Variants in TP63 observed in about 807,000 individuals in gnomAD.
The protein encoded by TP63 is tumor protein p63.
Under a neutral mutation model 82.8 loss-of-function variants are expected in TP63, and 17 were observed. That is an observed-to-expected ratio of 0.21 (90% confidence interval 0.14 to 0.31). The LOEUF (loss-of-function observed/expected upper bound fraction) is 0.31. Ranked by LOEUF, TP63 falls within the 10% of genes least tolerant of loss-of-function variation. The probability of loss-of-function intolerance (pLI) is 1.00; values close to 1 mark genes in which losing one functional copy is unlikely to be tolerated. For missense variants in TP63, 648 were observed against 895.3 expected (o/e 0.72, Z 3.52); for synonymous variants, 330 against 321.7 (o/e 1.03, Z -0.28).
chr3:189,659,163 C>T (rs1713655141), intron 1 of TP63, among the ~76,000 whole-genome samples: 1 of 151,726 alleles, frequency 6.6e-6, no homozygotes, highest in African/African-American at 2.4e-5. Context: ...TGATTGATTC[C>T]ATCACCCAGT....
chr3:189,729,496 C>A (rs1487771192), intron 1 of TP63, among the ~76,000 whole-genome samples: 1 of 151,974 alleles, frequency 6.6e-6, no homozygotes, highest in African/African-American at 2.4e-5. Context: ...TTGAAATATG[C>A]AAAATAGAGT....
chr3:189,723,469 A>G (rs1185209155), intron 1 of TP63, among the ~76,000 whole-genome samples: 1 of 152,236 alleles, frequency 6.6e-6, no homozygotes, highest in African/African-American at 2.4e-5. Flanking sequence ...GAAACAATCA[A>G]ATGATAGCTA....
At chr3:189,749,527 C>CA (rs140917915) in intron 3 of TP63, among the ~76,000 whole-genome samples, 2,048 of 151,878 alleles carry the variant, frequency 0.013, 52 homozygotes, top group African/African-American at 0.047. Context: ...TTTCAAATGA[C>CA]AAAAAATAAC....
chr3:189,839,061 AAAAG>A (rs1713593697), intron 4 of TP63, among the ~76,000 whole-genome samples: 2 of 150,676 alleles, frequency 1.3e-5, no homozygotes, highest in African/African-American at 4.9e-5. Context: ...AAAAAAAAAA[AAAAG>A]AAAAAGAAAA....
At chr3:189,623,341 T>A in the TP63 span, among the ~76,000 whole-genome samples, 1 of 152,214 alleles carries the variant, frequency 6.6e-6, no homozygotes, top group Non-Finnish European at 1.5e-5. Context: ...CTTCATTTTA[T>A]TATCTCCCAC....
chr3:189,721,472 C>CT (rs796875515), intron 1 of TP63, among the ~76,000 whole-genome samples: 76 of 143,714 alleles, frequency 5.3e-4, no homozygotes, highest in Middle Eastern at 3.6e-3. Flanking sequence ...CTATCAGGTG[C>CT]TTTTTTTTTT....
Position 189,886,512 on chromosome 3 carries a change from C to T in TP63, c.1468C>T (p.Leu490Phe), listed in dbSNP as rs559082753. The T allele has an allele frequency of 1.9e-6, 3 of 1,614,102 alleles. No homozygotes were observed. Among genetic ancestry groups the T allele is most frequent in the East Asian group, 4.5e-5 (2 of 44,842 alleles). ...QLINPQQRNA[L>F]TPTTIPDGMG... ...TATCAACCCTCAGCAGCGCAACGCC[C>T]TCACTCCTACAACCATTCCTGATGG... Residue 490 changes from leucine to phenylalanine, a missense_variant, in exon 11 of 14, where the codon CTC becomes TTC. Coordinates refer to ENST00000264731, the MANE Select transcript of TP63 (RefSeq NM_003722.5).
At chr3:189,638,794 G>A (rs1004309969) in intron 1 of TP63, among the ~76,000 whole-genome samples, 1 of 152,136 alleles carries the variant, frequency 6.6e-6, no homozygotes, top group Non-Finnish European at 1.5e-5. Flanking sequence ...GCCTCTCTCT[G>A]AGAAATTGGG....
intron 1 of TP63, among the ~76,000 whole-genome samples, chr3:189,682,026 A>T (rs529132110): frequency 6.6e-6 from 1 of 152,308 alleles, no homozygotes; most frequent in East Asian, 1.9e-4. Flanking sequence ...TGAGAACAGG[A>T]GTCCGAGACC....
At chr3:189,686,844 C>T (rs1716489935) in intron 1 of TP63, among the ~76,000 whole-genome samples, 1 of 151,538 alleles carries the variant, frequency 6.6e-6, no homozygotes, top group South Asian at 2.1e-4. Flanking sequence ...GATTCTCCTG[C>T]CTCAGCCTCC....
chr3:189,697,232 A>AATTTTTTTTTTTTTTTTTTTTTT (rs146092678), intron 1 of TP63, among the ~76,000 whole-genome samples: 1 of 22,406 alleles, frequency 4.5e-5, no homozygotes. Context: ...GTCTAGGTTC[A>AATTTTTTTTTTTTTTTTTTTTTT]GTTTTTTTTT....
intron 3 of TP63, among the ~76,000 whole-genome samples, chr3:189,745,220 G>A (rs1412521463): frequency 2.0e-5 from 3 of 152,072 alleles, no homozygotes; most frequent in Non-Finnish European, 4.4e-5. Flanking sequence ...GAAAAAGCAG[G>A]AAAATATGAC....
intron 10 of TP63, among the ~76,000 whole-genome samples, chr3:189,876,965 A>G (rs1719301321): frequency 6.6e-6 from 1 of 152,198 alleles, no homozygotes; most frequent in African/African-American, 2.4e-5. Flanking sequence ...ATTAGTGGGA[A>G]GAGAACGTAC....
chr3:189,679,988 A>G (rs1051401992), intron 1 of TP63, among the ~76,000 whole-genome samples: 1 of 152,138 alleles, frequency 6.6e-6, no homozygotes, highest in Non-Finnish European at 1.5e-5. Flanking sequence ...GTTAGTTTTT[A>G]TGACAGTACC....
rs150771306 is a variant in TP63 at position 189,778,292 on chromosome 3, G to A, written c.325-29980G>A. On this transcript the variant is annotated intron_variant, in intron 3 of 13. Coordinates refer to ENST00000264731, the MANE Select transcript of TP63 (RefSeq NM_003722.5). ...GAAATAAAATGGCCTCTAACTGATGGCCTCTAACACACTTCTAGTATTAAC... is the reference window on the plus strand; with the variant it reads ...GAAATAAAATGGCCTCTAACTGATGACCTCTAACACACTTCTAGTATTAAC... 3.9e-5 allele frequency among the ~76,000 whole-genome samples: 6 copies of A among 152,274 alleles called. No homozygotes were observed. The East Asian group carries it at 1.2e-3, about 29-fold the overall frequency.
At chr3:189,811,134 A>T (rs960086776) in intron 4 of TP63, among the ~76,000 whole-genome samples, 1 of 152,184 alleles carries the variant, frequency 6.6e-6, no homozygotes, top group Non-Finnish European at 1.5e-5. Context: ...TATGGTCTTG[A>T]TCATTTATGC....
chr3:189,688,519 T>C (rs1030461996), intron 1 of TP63, among the ~76,000 whole-genome samples: 7 of 152,190 alleles, frequency 4.6e-5, no homozygotes, highest in Non-Finnish European at 1.0e-4. Context: ...TTTCATCTCC[T>C]CTGGCTCTGA....
chr3:189,756,215 G>C (rs1327746690), intron 3 of TP63, among the ~76,000 whole-genome samples: 1 of 152,086 alleles, frequency 6.6e-6, no homozygotes, highest in African/African-American at 2.4e-5. Flanking sequence ...TGTCAAATAG[G>C]CTTTGGGTAT....
At chr3:189,652,502 G>A (rs1712980451) in intron 1 of TP63, among the ~76,000 whole-genome samples, 1 of 146,948 alleles carries the variant, frequency 6.8e-6, no homozygotes, top group Admixed American at 6.7e-5. Context: ...AGGCTCATAG[G>A]CAGAAGGGAC....
Sources: allele counts gnomAD v4.1 joint callset (sites outside exome capture counted in the v4.1 genomes callset), GRCh38; gene constraint gnomAD v4.1.1; transcripts MANE v1.5; gene names NCBI Gene and HGNC (gene_info 2026-07-23, HGNC 2026-07-21).